Variants in ERN2 observed in about 807,000 individuals in gnomAD.
ERN2 encodes endoplasmic reticulum to nucleus signaling 2, also known as serine/threonine-protein kinase/endoribonuclease IRE2.
Under a neutral mutation model 107.9 loss-of-function variants are expected in ERN2, and 111 were observed. That is an observed-to-expected ratio of 1.03 (90% CI 0.88 to 1.20). ERN2 has a LOEUF of 1.20. ERN2 is among the 50% of genes most tolerant of loss of function. The pLI is 0.00. For synonymous variants in ERN2, 524 were observed against 501.7 expected, an observed-to-expected ratio of 1.04 and a Z score of -0.59; for missense variants, 1,225 against 1,197.9, an observed-to-expected ratio of 1.02 and a Z score of -0.33.
Position 23,690,846 on chromosome 16 carries a change from C to A in ERN2, c.2766G>T (p.Gly922=). 6.2e-7 allele frequency: 1 copy of A among 1,611,918 alleles called. No homozygotes were observed. The highest frequency in any genetic ancestry group is 8.5e-7 in the Non-Finnish European group (1 of 1,179,998). Residue 922 remains glycine (G), a synonymous_variant, in exon 22 of 22, where the codon GGG becomes GGT. Transcript: ENST00000256797. ...PDSEARRPCP[G]ATGR is the part of the protein sequence containing the mutation. ...CCAGCCCACCTCACCTCCCTGTGGC[C>A]CCAGGGCATGGCCTCCTGGCCTCTG...
intron 11 of ERN2, 31 bp from the exon 12 acceptor site, chr16:23,701,145 C>T: frequency 1.9e-6 from 3 of 1,599,516 alleles, no homozygotes; most frequent in Middle Eastern, 1.7e-4. Context: ...ACTTTTAGCA[C>T]CCCCTTCCAC....
chr16:23,701,050 T>C lies in ERN2; in HGVS notation c.1268A>G (p.Asp423Gly). ...SELHPEEKTP[D>G]SYLGLGPQDL... ...TTGGGGTCCCAGCCCCAAGTAAGAG[T>C]CTGGAGTTTTTTCTTCTGGATGCAG... The change falls in exon 12 of 22, where the codon GAC (aspartate) becomes GGC (glycine). Residue 423 changes from aspartate (D) to glycine (G), a missense_variant. Asp to Gly is a moderately conservative substitution (Grantham distance 94, BLOSUM62 -1). Transcript: ENST00000256797. 1.2e-6 allele frequency: 2 copies of C among 1,613,798 alleles called. No individual in the cohort carries two copies. Among genetic ancestry groups the C allele is most frequent in the Non-Finnish European group, 1.7e-6 (2 of 1,179,894 alleles).
At chr16:23,698,133 A>T (rs1255278730) in intron 13 of ERN2, among the ~76,000 whole-genome samples, 1 of 152,174 alleles carries the variant, frequency 6.6e-6, no homozygotes, top group Non-Finnish European at 1.5e-5. Context: ...AGGTTGGGGA[A>T]CACTTACAGT....
In ERN2 at chr16:23,695,124, C is replaced by G; in HGVS notation, c.1801-6G>C. On this transcript the variant is annotated splice_polypyrimidine_tract_variant and splice_region_variant and intron_variant, in intron 15 of 21. Transcript: ENST00000256797. ...AGGTCCGGGTTTTCTACGTACTGAG[C>G]AGCAGCAAGGGCCAAAGCATCACTC... 6.2e-7 allele frequency: 1 copy of G among 1,614,010 alleles called. No individual in the cohort carries two copies. Among genetic ancestry groups the G allele is most frequent in the South Asian group, 1.1e-5 (1 of 91,078 alleles).
At chr16:23,711,149 G>A (rs2141025822) in intron 1 of ERN2, 131 bp from the exon 2 acceptor site, 2 of 628,070 alleles carry the variant, frequency 3.2e-6, no homozygotes, top group Non-Finnish European at 2.9e-6. Flanking sequence ...AGGGTGATTG[G>A]GGAACGTGCT....
At position 23,694,784 on chromosome 16, in the gene ERN2, C is replaced by A. The variant is rs373609225; in HGVS notation, c.2044G>T (p.Gly682Cys). The change falls in exon 17 of 22, where the codon GGC becomes TGC. Residue 682 changes from glycine (G) to cysteine (C), a missense_variant. Coordinates refer to ENST00000256797, the MANE Select transcript of ERN2 (RefSeq NM_033266.4). ...CSFSLHSGIP[G>C]TEGWMAPELL... is the part of the protein sequence containing the mutation. Reference sequence around the variant, plus strand: ...TCGGGCGCCATCCAGCCTTCCGTGCCGGGGATGCCGGAGTGGAGGCTGAAG... The same window carrying A: ...TCGGGCGCCATCCAGCCTTCCGTGCAGGGGATGCCGGAGTGGAGGCTGAAG... The A allele has an allele frequency of 5.6e-6, 9 of 1,613,032 alleles. No individual in the cohort carries two copies. The highest frequency in any genetic ancestry group is 1.7e-5 in the Admixed American group (1 of 59,922).
chr16:23,710,887 G>A (rs754679891), intron 2 of ERN2, 26 bp downstream of exon 2: 5 of 1,496,120 alleles, frequency 3.3e-6, no homozygotes, highest in Non-Finnish European at 3.7e-6. Context: ...GGCCCAAGGA[G>A]GGAGGAGGGA....
At chr16:23,708,105 G>A (rs74857934) in intron 4 of ERN2, among the ~76,000 whole-genome samples, 1 of 152,132 alleles carries the variant, frequency 6.6e-6, no homozygotes, top group South Asian at 2.1e-4. Flanking sequence ...AGGTCCCATC[G>A]GGTGGTGCTC....
chr16:23,710,281 C>T (rs757612543), intron 3 of ERN2, 37 bp from the exon 4 acceptor site: 1 of 1,544,768 alleles, frequency 6.5e-7, no homozygotes, highest in Admixed American at 1.7e-5. Flanking sequence ...CCAATGGGTT[C>T]TTGCCCCCTG....
chr16:23,690,820 T>C lies in ERN2; in HGVS notation c.*11A>G, dbSNP rs1254112745. ...CAGCACGGAGACCATCTGTGTGGCA[T>C]CCAGCCCACCTCACCTCCCTGTGGC... On this transcript the variant is annotated 3_prime_UTR_variant, in exon 22 of 22. Transcript: ENST00000256797. The C allele has an allele frequency of 6.2e-7, 1 of 1,604,826 alleles. No individual in the cohort carries two copies. The highest frequency in any genetic ancestry group is 1.1e-5 in the South Asian group (1 of 90,904).
intron 7 of ERN2, 60 bp from the exon 8 acceptor site, chr16:23,705,207 T>A: frequency 1.3e-6 from 2 of 1,574,082 alleles, no homozygotes; most frequent in South Asian, 1.2e-5. Context: ...GGTCCAAGGG[T>A]GTGCCCTCTG....
chr16:23,700,432 A>T, intron 13 of ERN2, 107 bp downstream of exon 13: 2 of 1,106,360 alleles, frequency 1.8e-6, no homozygotes, highest in East Asian at 2.4e-5. Context: ...ATTCATGTAG[A>T]CCTAACCACC....
chr16:23,708,030 G>A (rs766488332), intron 4 of ERN2, among the ~76,000 whole-genome samples: 16 of 152,184 alleles, frequency 1.1e-4, no homozygotes, highest in Non-Finnish European at 2.1e-4. Context: ...TGAGATCAGA[G>A]TATGCCCTGC....
At chr16:23,699,147 A>T (rs755512545) in intron 13 of ERN2, among the ~76,000 whole-genome samples, 1 of 152,054 alleles carries the variant, frequency 6.6e-6, no homozygotes, top group Non-Finnish European at 1.5e-5. Flanking sequence ...GGCTCAGGAA[A>T]TCCTGCTGCA....
rs1396374652 is a variant in ERN2 at position 23,706,814 on chromosome 16, T to C, written c.427A>G (p.Thr143Ala). The C allele has an allele frequency of 6.2e-7, 1 of 1,613,716 alleles. No individual in the cohort carries two copies. The highest frequency in any genetic ancestry group is 1.7e-5 in the Admixed American group (1 of 59,916). Residue 143 changes from threonine to alanine, a missense_variant, in exon 6 of 22, where the codon ACC becomes GCC. Thr to Ala is a moderately conservative substitution (Grantham distance 58). Coordinates refer to ENST00000256797, the MANE Select transcript of ERN2 (RefSeq NM_033266.4). ...CCCTCTGTGGTCAGTGTCATCTGGG[T>C]CTCCCCTGACTCAGGGTCCACCACA... ...WFVVDPESGE[T>A]QMTLTTEGPS...
In ERN2 at chr16:23,705,085, T is replaced by G. The variant is rs758686762; in HGVS notation, c.652A>C (p.Thr218Pro). Reference protein sequence around the residue: ...LLLTVDPGSGTVLWTQDLGVP... With the variant: ...LLLTVDPGSGPVLWTQDLGVP... ...CCCAGGTCCTGTGTCCACAGCACCG[T>G]CCCGCTTCCTGGGTCCACAGTGAGC... Residue 218 changes from threonine (T) to proline (P), a missense_variant, in exon 8 of 22, where the codon ACG (threonine) becomes CCG (proline). Coordinates refer to ENST00000256797, the MANE Select transcript of ERN2 (RefSeq NM_033266.4). 9 of 1,613,938 alleles carry G rather than the reference T, an allele frequency of 5.6e-6. No individual in the cohort carries two copies. Among genetic ancestry groups the G allele is most frequent in the Non-Finnish European group, 7.6e-6 (9 of 1,179,910 alleles).
intron 13 of ERN2, chr16:23,696,832 CTACTT>C (rs1397466138): frequency 6.6e-6 from 1 of 152,032 alleles, no homozygotes; most frequent in Non-Finnish European, 1.5e-5. Context: ...TGAGAACACT[CTACTT>C]TATAAGAGTT....
rs1597142443 is a variant in ERN2, at chr16:23,694,628, C to T, written c.2100+100G>A. ...GGAGGAGCAGCTCAAAGTCACACAG[C>T]AAGTGTCATGGAGTCTCCTCAGGAG... On this transcript the variant is annotated intron_variant, in intron 17 of 21. Transcript: ENST00000256797. 5 of 978,888 alleles carry T rather than the reference C, an allele frequency of 5.1e-6. No homozygotes were observed. The East Asian group carries it at 1.1e-4, about 21-fold the overall frequency. 60.6% of individuals were successfully genotyped at this position (978,888 alleles called of 1,614,324 possible).
At chr16:23,706,236 G>A (rs965071779) in intron 7 of ERN2, 94 bp downstream of exon 7, 51 of 884,194 alleles carry the variant, frequency 5.8e-5, no homozygotes, top group South Asian at 8.9e-5. Context: ...CAAGTGGGTC[G>A]AAATGTGGCT....
Sources: gnomAD v4.1 joint callset for allele counts (sites outside exome capture counted in the v4.1 genomes callset) on GRCh38, gnomAD v4.1.1 for gene constraint, MANE v1.5 for transcripts, NCBI Gene and HGNC (gene_info 2026-07-23, HGNC 2026-07-21) for gene names.